SH3GLB1: variants seen among roughly 807,000 people sequenced by gnomAD.
The protein encoded by SH3GLB1 is endophilin-B1.
SH3GLB1 carries 17 observed loss-of-function variants against 42.0 expected under a neutral mutation model. That is an observed-to-expected ratio of 0.40 (90% CI 0.28 to 0.61). SH3GLB1 has a LOEUF of 0.61. Ranked by LOEUF, SH3GLB1 falls within the 20% of genes least tolerant of loss-of-function variation. The pLI is 0.36. For missense variants in SH3GLB1, 355 were observed against 426.3 expected (o/e 0.83, Z 1.47); for synonymous variants, 132 against 146.6 (o/e 0.90, Z 0.72).
At position 86,734,605 on chromosome 1, in the gene SH3GLB1, G is replaced by A; in HGVS notation, c.574G>A (p.Glu192Lys). 6.2e-7 allele frequency: 1 copy of A among 1,607,576 alleles called. No homozygotes were observed. The highest frequency in any genetic ancestry group is 8.5e-7 in the Non-Finnish European group (1 of 1,174,394). Residue 192 changes from glutamate to lysine, a missense_variant, in exon 6 of 9, where the codon GAA (glutamate) becomes AAA (lysine). By Grantham distance (56) the Glu-to-Lys change is moderately conservative. Coordinates refer to ENST00000370558, the MANE Select transcript of SH3GLB1 (RefSeq NM_016009.5). ...AKAAETRNSS[E>K]QELRITQSEF... is the part of the protein sequence containing the mutation. ...TAAAACTATATTCTTACTTAAGTCT[G>A]AACAGGAATTAAGAATAACTCAAAG...
At chr1:86,706,218 G>A (rs1161976619) in intron 1 of SH3GLB1, among the ~76,000 whole-genome samples, 1 of 152,230 alleles carries the variant, frequency 6.6e-6, no homozygotes, top group Non-Finnish European at 1.5e-5. Context: ...GGTGCTGTCT[G>A]ACCTAGTACT....
chr1:86,718,214 A>T (rs1654661345), intron 2 of SH3GLB1, among the ~76,000 whole-genome samples: 1 of 144,324 alleles, frequency 6.9e-6, no homozygotes, highest in East Asian at 2.0e-4. Context: ...TAATTTTTGT[A>T]TTTTTTTTTT....
chr1:86,704,758 C>T lies in SH3GLB1; in HGVS notation c.-142C>T. ...TCATCCTCCCCGTTCACGGAAACGA[C>T]AGCTGCGGCTGCGGGGCTGGCGCCG... On this transcript the variant is annotated 5_prime_UTR_variant, in exon 1 of 9. Transcript: ENST00000370558. 2.0e-6 allele frequency: 1 copy of T among 504,870 alleles called. No individual in the cohort carries two copies. The highest frequency in any genetic ancestry group is 3.5e-6 in the Non-Finnish European group (1 of 288,820). 31.3% of individuals were successfully genotyped at this position (504,870 alleles called of 1,614,324 possible).
At chr1:86,710,234 ACT>A (rs919373417) in intron 1 of SH3GLB1, among the ~76,000 whole-genome samples, 1 of 151,482 alleles carries the variant, frequency 6.6e-6, no homozygotes, top group African/African-American at 2.4e-5. Flanking sequence ...AATCTATAAA[ACT>A]CTTTTAAATT....
intron 4 of SH3GLB1, among the ~76,000 whole-genome samples, chr1:86,723,359 A>G (rs1256498454): frequency 2.0e-5 from 3 of 151,936 alleles, no homozygotes; most frequent in South Asian, 2.1e-4. Context: ...TAAAAATACA[A>G]AAAAATTAGC....
intron 5 of SH3GLB1, among the ~76,000 whole-genome samples, chr1:86,732,375 C>T (rs560569336): frequency 9.3e-4 from 142 of 152,262 alleles, no homozygotes; most frequent in African/African-American, 3.2e-3. Flanking sequence ...ATTTTTTAGA[C>T]GACAGAATAT....
chr1:86,706,960 T>C (rs1314650237), intron 1 of SH3GLB1, among the ~76,000 whole-genome samples: 1 of 152,230 alleles, frequency 6.6e-6, no homozygotes, highest in Non-Finnish European at 1.5e-5. Context: ...CAAATAATTT[T>C]CTTTTCAGTT....
chr1:86,722,637 A>G lies in SH3GLB1; in HGVS notation c.441A>G (p.Leu147=), dbSNP rs768068632. 3 of 1,608,446 alleles carry G rather than the reference A, an allele frequency of 1.9e-6. No individual in the cohort carries two copies. The Admixed American group carries it at 5.1e-5, about 27-fold the overall frequency. ...QTSALNFLTP[L]RNFIEGDYKT... is the part of the protein sequence containing the mutation. ...CAGCCTTAAATTTTCTTACTCCTTTAAGAAACTTTATAGAAGGAGATTACA... is the reference window on the plus strand; with the variant it reads ...CAGCCTTAAATTTTCTTACTCCTTTGAGAAACTTTATAGAAGGAGATTACA... The change falls in exon 4 of 9, where the codon TTA becomes TTG. Residue 147 remains leucine, a synonymous_variant. Transcript: ENST00000370558.
At chr1:86,742,910 G>A (rs577742886) in intron 8 of SH3GLB1, among the ~76,000 whole-genome samples, 6 of 152,254 alleles carry the variant, frequency 3.9e-5, no homozygotes, top group African/African-American at 7.2e-5. Flanking sequence ...GCAGTGAGCC[G>A]TGATCATGCT....
At chr1:86,718,214 AT>A (rs879327186) in intron 2 of SH3GLB1, among the ~76,000 whole-genome samples, 65 of 144,094 alleles carry the variant, frequency 4.5e-4, no homozygotes, top group South Asian at 8.8e-4. Context: ...TAATTTTTGT[AT>A]TTTTTTTTTT....
At chr1:86,742,508 A>T in intron 8 of SH3GLB1, 72 bp downstream of exon 8, 1 of 1,112,756 alleles carries the variant, frequency 9.0e-7, no homozygotes, top group Non-Finnish European at 1.3e-6. Flanking sequence ...AACAAAATGC[A>T]AATTCCTCAT....
At chr1:86,730,559 G>A (rs200867226) in intron 5 of SH3GLB1, among the ~76,000 whole-genome samples, 1 of 152,026 alleles carries the variant, frequency 6.6e-6, no homozygotes, top group Non-Finnish European at 1.5e-5. Flanking sequence ...GAGTGCAGTG[G>A]CACAGTCACA....
At chr1:86,715,947 T>C in intron 2 of SH3GLB1, 82 bp downstream of exon 2, 1 of 1,417,672 alleles carries the variant, frequency 7.1e-7, no homozygotes. Context: ...AATGGCCATC[T>C]GAAAACATAG....
intron 3 of SH3GLB1, among the ~76,000 whole-genome samples, chr1:86,720,680 T>C (rs1654816981): frequency 6.6e-6 from 1 of 152,232 alleles, no homozygotes; most frequent in Non-Finnish European, 1.5e-5. Flanking sequence ...AAATGGTAGG[T>C]AGATTAAATT....
chr1:86,714,928 C>T (rs1319802511), intron 1 of SH3GLB1, among the ~76,000 whole-genome samples: 1 of 152,184 alleles, frequency 6.6e-6, no homozygotes, highest in Non-Finnish European at 1.5e-5. Context: ...TACCTTTTCT[C>T]AAATACCAGT....
chr1:86,705,598 A>G (rs958163196), intron 1 of SH3GLB1, among the ~76,000 whole-genome samples: 1 of 152,200 alleles, frequency 6.6e-6, no homozygotes, highest in African/African-American at 2.4e-5. Context: ...TCAAAATGGG[A>G]AGCACCAGCT....
At chr1:86,735,502 A>G (rs1655738926) in intron 7 of SH3GLB1, among the ~76,000 whole-genome samples, 1 of 152,162 alleles carries the variant, frequency 6.6e-6, no homozygotes, top group South Asian at 2.1e-4. Flanking sequence ...ATTGACAGTT[A>G]CCCTTAAAGA....
chr1:86,745,467 C>T lies in SH3GLB1; in HGVS notation c.*2232C>T, dbSNP rs1656255335. ...TGGGCTCTGTTTTCTCTCTATCAAT[C>T]CTATCCTCCACCCTCTTTAAATCAG... On this transcript the variant is annotated 3_prime_UTR_variant, in exon 9 of 9. Coordinates refer to ENST00000370558, the MANE Select transcript of SH3GLB1 (RefSeq NM_016009.5). 1 of 152,178 alleles carries T rather than the reference C, an allele frequency of 6.6e-6. No individual in the cohort carries two copies. Among genetic ancestry groups the T allele is most frequent in the Admixed American group, 6.6e-5 (1 of 15,262 alleles). The allele number at this position is 152,178 out of a possible 1,614,324, so 9.4% of individuals were successfully genotyped here. A position where few individuals can be genotyped will look rare whatever the true frequency, so the allele number is the denominator to read the frequency against.
intron 1 of SH3GLB1, among the ~76,000 whole-genome samples, chr1:86,707,090 G>A (rs1298254303): frequency 6.6e-6 from 1 of 152,146 alleles, no homozygotes; most frequent in African/African-American, 2.4e-5. Context: ...ACATTGTAGC[G>A]GAAGATAAGC....
Sources: gnomAD v4.1 joint callset for allele counts (sites outside exome capture counted in the v4.1 genomes callset) on GRCh38, gnomAD v4.1.1 for gene constraint, MANE v1.5 for transcripts, NCBI Gene and HGNC (gene_info 2026-07-23, HGNC 2026-07-21) for gene names.